SYCE1: variants seen among roughly 807,000 people sequenced by gnomAD.
SYCE1 encodes cancer/testis antigen 76.
A neutral mutation model predicts 55.1 loss-of-function variants in SYCE1; 37 were observed. The observed-to-expected ratio is 0.67, with a 90% CI of 0.52 to 0.88. The LOEUF is 0.88. Ranked by LOEUF, SYCE1 falls within the 40% of genes least tolerant of loss-of-function variation. The probability of loss-of-function intolerance (pLI) is 0.00; values close to 1 mark genes in which losing one functional copy is unlikely to be tolerated. For missense variants in SYCE1, 399 were observed against 416.4 expected (o/e 0.96, Z 0.36); for synonymous variants, 163 against 159.4 (o/e 1.02, Z -0.17).
In SYCE1 at chr10:133,557,937, G is replaced by C. The variant is rs1851728252; in HGVS notation, c.320-19C>G. ...AGGGTCTCTGTAGGGAGAGCAACAG[G>C]GCCCTATGAGAACCTGTCAAGGTAT... On this transcript the variant is annotated intron_variant, in intron 5 of 12. Transcript: ENST00000343131. 1.2e-6 allele frequency: 2 copies of C among 1,613,830 alleles called. No homozygotes were observed. Among genetic ancestry groups the C allele is most frequent in the African/African-American group, 1.3e-5 (1 of 75,018 alleles).
At chr10:133,559,121 C>A in intron 3 of SYCE1, 170 bp from the exon 4 acceptor site, 1 of 913,216 alleles carries the variant, frequency 1.1e-6, no homozygotes. Context: ...GGGCCAGGAT[C>A]ATGGGCATGT....
chr10:133,566,084 C>G (rs1318399127), upstream of SYCE1, among the ~76,000 whole-genome samples: 20 of 152,204 alleles, frequency 1.3e-4, no homozygotes, highest in African/African-American at 4.6e-4. Flanking sequence ...GCCGCGTTCC[C>G]GTGAGCTCCA....
upstream of SYCE1, among the ~76,000 whole-genome samples, chr10:133,566,903 TGC>T (rs201955796): frequency 4.5e-4 from 16 of 35,840 alleles, 1 homozygote; most frequent in Admixed American, 5.6e-3. Flanking sequence ...GGTTAAGGGT[TGC>T]AGGTTAGGCT....
chr10:133,564,716 C>T (rs1589972362), intron 1 of SYCE1, among the ~76,000 whole-genome samples: 1 of 152,350 alleles, frequency 6.6e-6, no homozygotes, highest in East Asian at 1.9e-4. Flanking sequence ...CAGATGATCT[C>T]AGGACAGAAT....
At chr10:133,557,721 G>A (rs923197337) in intron 6 of SYCE1, 143 bp downstream of exon 6, 7 of 894,034 alleles carry the variant, frequency 7.8e-6, no homozygotes, top group African/African-American at 4.9e-5. Flanking sequence ...TGTTGGAGCC[G>A]AAGGGGAAAG....
chr10:133,557,733 C>T, intron 6 of SYCE1, 131 bp downstream of exon 6: 4 of 1,027,310 alleles, frequency 3.9e-6, no homozygotes, highest in Non-Finnish European at 5.9e-6. Flanking sequence ...AGGGGAAAGA[C>T]ATTCTTTGGA....
At chr10:133,557,498 T>C in intron 6 of SYCE1, 1 of 476,490 alleles carries the variant, frequency 2.1e-6, no homozygotes, top group Non-Finnish European at 3.8e-6. Flanking sequence ...GACAAATCGA[T>C]GGGTGGATGA....
downstream of SYCE1, chr10:133,554,294 C>G: frequency 6.2e-7 from 1 of 1,614,104 alleles, no homozygotes; most frequent in Non-Finnish European, 8.5e-7. Flanking sequence ...CTCTCTTCAA[C>G]TCCACCATGT....
At chr10:133,566,852 G>T (rs114156777), upstream of SYCE1, among the ~76,000 whole-genome samples, 432 of 24,760 alleles carry the variant, frequency 0.017, no homozygotes, top group African/African-American at 0.021. Flanking sequence ...GCTTAGTGTT[G>T]TTAGGGTTAG....
chr10:133,555,906 G>A lies in SYCE1; in HGVS notation c.596-3C>T. ...CAGTGTCGCCTTGACCAGCTTCTCT[G>A]CAGCACAAAGGGGCAGGTGAGCACA... On this transcript the variant is annotated splice_polypyrimidine_tract_variant and splice_region_variant and intron_variant, in intron 9 of 12. Transcript: ENST00000343131. The A allele has an allele frequency of 1.2e-6, 2 of 1,613,922 alleles. No individual in the cohort carries two copies. The highest frequency in any genetic ancestry group is 1.7e-6 in the Non-Finnish European group (2 of 1,179,886).
upstream of SYCE1, among the ~76,000 whole-genome samples, chr10:133,566,780 G>T (rs1477008203): frequency 6.6e-6 from 1 of 151,050 alleles, no homozygotes; most frequent in East Asian, 2.0e-4. Flanking sequence ...AGGGTAAGGG[G>T]TTAGAGTTAA....
chr10:133,564,088 T>C (rs1345065373), intron 1 of SYCE1, among the ~76,000 whole-genome samples: 2 of 152,082 alleles, frequency 1.3e-5, no homozygotes, highest in Non-Finnish European at 2.9e-5. Context: ...CCATCCATAG[T>C]TCGTATGTTG....
At chr10:133,554,359 C>T, downstream of SYCE1, 1 of 1,608,420 alleles carries the variant, frequency 6.2e-7, no homozygotes, top group Non-Finnish European at 8.5e-7. Flanking sequence ...TTTGTCATTA[C>T]TTCAATGCAT....
At chr10:133,556,738 G>A (rs1481843489) in intron 8 of SYCE1, 21 bp downstream of exon 8, 1 of 1,555,376 alleles carries the variant, frequency 6.4e-7, no homozygotes, top group Middle Eastern at 1.7e-4. Flanking sequence ...GAAGGGGGAG[G>A]AGTGGCTTTG....
chr10:133,556,512 T>G (rs1334593383), intron 8 of SYCE1: 1 of 570,614 alleles, frequency 1.8e-6, no homozygotes, highest in Non-Finnish European at 3.1e-6. Context: ...GTGCCCGTGA[T>G]GGTCCCAGAC....
At chr10:133,563,504 C>T (rs923543650) in intron 1 of SYCE1, among the ~76,000 whole-genome samples, 2 of 152,060 alleles carry the variant, frequency 1.3e-5, no homozygotes, top group African/African-American at 4.8e-5. Flanking sequence ...AGCAATGCAG[C>T]AAGACCCTCT....
rs756724939 is a variant in SYCE1 at position 133,565,449 on chromosome 10, A to C, written c.73+8T>G. 6.5e-7 allele frequency: 1 copy of C among 1,545,852 alleles called. No individual in the cohort carries two copies. The highest frequency in any genetic ancestry group is 1.2e-5 in the South Asian group (1 of 82,982). On this transcript the variant is annotated splice_region_variant and intron_variant, in intron 1 of 12. Coordinates refer to ENST00000343131, the MANE Select transcript of SYCE1 (RefSeq NM_001143764.3). ...CCTCACGCACAGTTCCCTGCCTCCC[A>C]CCACTACCTCCGGCCTTCTCAGCCC...
upstream of SYCE1, chr10:133,567,872 T>TAGGTGGG (rs1294462468): frequency 1.1e-5 from 5 of 473,234 alleles, no homozygotes; most frequent in East Asian, 1.1e-4. Context: ...TGGTCTCCTC[T>TAGGTGGG]AGGTGGGAGG....
chr10:133,558,578 G>T lies in SYCE1; in HGVS notation c.271+299C>A, dbSNP rs1356762200. ...TCTTTAAATGGGATGATTGGGGAAT[G>T]CCAGTCATCCTGTCTGGGGACATTC... On this transcript the variant is annotated intron_variant, in intron 4 of 12. Coordinates refer to ENST00000343131, the MANE Select transcript of SYCE1 (RefSeq NM_001143764.3). 5.7e-6 allele frequency: 3 copies of T among 528,780 alleles called. No homozygotes were observed. In the Admixed American group the frequency reaches 1.0e-4, roughly 18 times the overall value. 32.8% of individuals were successfully genotyped at this position (528,780 alleles called of 1,614,324 possible). A position where few individuals can be genotyped will look rare whatever the true frequency, so the allele number is the denominator to read the frequency against.
Sources: gnomAD v4.1 joint callset for allele counts (sites outside exome capture counted in the v4.1 genomes callset) on GRCh38, gnomAD v4.1.1 for gene constraint, MANE v1.5 for transcripts, NCBI Gene and HGNC (gene_info 2026-07-23, HGNC 2026-07-21) for gene names.